DDX11: variants seen among roughly 807,000 people sequenced by gnomAD.
DDX11 encodes DEAD/H-box helicase 11.
A neutral mutation model predicts 125.2 loss-of-function variants in DDX11; 72 were observed. The ratio of observed to expected loss-of-function variants is 0.58; its 90% CI spans 0.48 to 0.70. DDX11 has a LOEUF of 0.70. Among genes scored for constraint, DDX11 ranks in the 30% least tolerant of loss-of-function variants. The pLI is 0.00. For synonymous variants in DDX11, 347 were observed against 452.6 expected (o/e 0.77, Z 2.96); for missense variants, 883 against 1,165.0 (o/e 0.76, Z 3.52).
Position 31,073,893 on chromosome 12 carries a change from C to G in DDX11, c.-203C>G, listed in dbSNP as rs1385051679. ...GGCTGCCTTTCACTGAGGGGACCCG[C>G]CAGTTTCTAACTCAGTGGCGTTTGC... On this transcript the variant is annotated 5_prime_UTR_variant, in exon 1 of 27. Transcript: ENST00000542838. 3.3e-5 allele frequency: 5 copies of G among 152,258 alleles called. No individual in the cohort carries two copies. The highest frequency in any genetic ancestry group is 1.2e-4 in the African/African-American group (5 of 41,468). The allele number at this position is 152,258 out of a possible 1,614,324, so 9.4% of individuals were successfully genotyped here.
intron 12 of DDX11, 100 bp from the exon 13 acceptor site, chr12:31,094,490 G>A (rs1944865503): frequency 6.5e-7 from 1 of 1,528,486 alleles, no homozygotes; most frequent in Non-Finnish European, 8.9e-7. Flanking sequence ...AAATACAGAT[G>A]CTCTTCTTAC....
intron 20 of DDX11, 105 bp from the exon 21 acceptor site, chr12:31,101,728 C>T (rs1309542994): frequency 5.3e-6 from 8 of 1,522,784 alleles, no homozygotes; most frequent in East Asian, 2.3e-5. Flanking sequence ...GTAGTCCTGC[C>T]GAGGGTCTCT....
rs140186422 is a variant in DDX11, at chr12:31,085,033, C to T, written c.545C>T (p.Pro182Leu). Residue 182 changes from proline (P) to leucine (L), a missense_variant, in exon 5 of 27, where the codon CCG (proline) becomes CTG (leucine). Coordinates refer to ENST00000542838, the MANE Select transcript of DDX11 (RefSeq NM_030653.4). Reference protein sequence around the residue: ...RLSREMLETGPEAERLEQLES... With the variant: ...RLSREMLETGLEAERLEQLES... Reference sequence around the variant, plus strand: ...AGCAGGGAGATGCTAGAGACAGGCCCGGAGGCTGAGCGGCTGGAGCAGCTG... The same window carrying T: ...AGCAGGGAGATGCTAGAGACAGGCCTGGAGGCTGAGCGGCTGGAGCAGCTG... 1,075 of 1,610,286 alleles carry T rather than the reference C, an allele frequency of 6.7e-4. 10 individuals are homozygous for T. In the South Asian group the frequency reaches 7.8e-3, roughly 12 times the overall value.
At chr12:31,080,505 T>C (rs1941690912) in intron 2 of DDX11, among the ~76,000 whole-genome samples, 1 of 152,138 alleles carries the variant, frequency 6.6e-6, no homozygotes. Context: ...CCCGTCCCTT[T>C]GTTTTCAGTG....
chr12:31,077,495 T>A (rs1204867134), intron 1 of DDX11, among the ~76,000 whole-genome samples: 1 of 151,768 alleles, frequency 6.6e-6, no homozygotes, highest in African/African-American at 2.4e-5. Context: ...GTGGCTCTGT[T>A]CGGTGCTGGA....
chr12:31,089,709 G>C, intron 8 of DDX11, 177 bp from the exon 9 acceptor site: 1 of 1,307,856 alleles, frequency 7.6e-7, no homozygotes, highest in Non-Finnish European at 1.1e-6. Context: ...GGCTCTTTCT[G>C]GAGAACAGAA....
intron 14 of DDX11, among the ~76,000 whole-genome samples, chr12:31,095,809 C>G (rs1945123437): frequency 2.0e-5 from 3 of 152,136 alleles, no homozygotes; most frequent in Admixed American, 2.0e-4. Context: ...GGTCTCGGGT[C>G]TCATCACTCA....
intron 1 of DDX11, among the ~76,000 whole-genome samples, chr12:31,076,490 C>A (rs1940743801): frequency 6.6e-6 from 1 of 152,062 alleles, no homozygotes; most frequent in Admixed American, 6.5e-5. Context: ...ATATCTCTTG[C>A]AACCGGATGA....
intron 17 of DDX11, among the ~76,000 whole-genome samples, 187 bp downstream of exon 17, chr12:31,097,177 G>A (rs1445316073): frequency 1.2e-4 from 18 of 144,110 alleles, no homozygotes; most frequent in South Asian, 6.8e-4. Flanking sequence ...GAGATCGAAG[G>A]GCTGGGATGG....
In DDX11 at chr12:31,096,017, CCTTT is replaced by C. The variant is rs1298520500; in HGVS notation, c.1483-323_1483-320del. Among the ~76,000 whole-genome samples, 3 of 102,174 alleles carry C rather than the reference CCTTT, an allele frequency of 2.9e-5. No homozygotes were observed. In the Admixed American group the frequency reaches 3.2e-4, roughly 11 times the overall value. The allele number at this position is 102,174 out of a possible 152,430, so 67.0% of individuals were successfully genotyped here. On this transcript the variant is annotated intron_variant, in intron 14 of 26. Transcript: ENST00000542838. ...CTCTGTGGCTTTGCTCATAGAAGTT[CCTTT>C]TTTTTTTTTAACTCTTTGTCACCTG... is the stretch of plus-strand genomic sequence containing the variant.
At chr12:31,083,355 C>T (rs1011036890) in intron 2 of DDX11, among the ~76,000 whole-genome samples, 1 of 151,318 alleles carries the variant, frequency 6.6e-6, no homozygotes, top group Non-Finnish European at 1.5e-5. Context: ...TAAGCACTGG[C>T]GCTCATGACT....
At chr12:31,088,105 C>T in intron 6 of DDX11, 122 bp downstream of exon 6, 4 of 1,456,302 alleles carry the variant, frequency 2.7e-6, no homozygotes, top group East Asian at 2.5e-5. Context: ...GAGGAGCTTC[C>T]AGCACTTGGA....
intron 2 of DDX11, 56 bp downstream of exon 2, chr12:31,078,593 G>T: frequency 6.2e-7 from 1 of 1,610,708 alleles, no homozygotes; most frequent in Non-Finnish European, 8.5e-7. Flanking sequence ...AGCCGTACTA[G>T]CTTTTCCTGT....
rs1182863429 is a variant in DDX11, at chr12:31,096,706, C to T, written c.1591C>T (p.Gln531Ter). The T allele has an allele frequency of 1.9e-5, 31 of 1,614,030 alleles. No individual in the cohort carries two copies. The highest frequency in any genetic ancestry group is 2.5e-5 in the Non-Finnish European group (30 of 1,180,034). ...GGAGCAGCCCAAACTGGCTGGGTTT[C>T]AGCAATTCCTGCAGAGCCTGCAGCC... is the stretch of plus-strand genomic sequence containing the variant. ...SREQPKLAGFQQFLQSLQPRT... is the reference protein window; with the variant it reads ...SREQPKLAGF Residue 531 changes from glutamine (Q) to a stop codon, truncating the protein, a stop_gained, in exon 16 of 27, where the codon CAG becomes TAG. Transcript: ENST00000542838. LOFTEE classifies it high-confidence loss of function.
At chr12:31,074,200 T>G (rs1940358208) in intron 1 of DDX11, 109 bp downstream of exon 1, 1 of 151,570 alleles carries the variant, frequency 6.6e-6, no homozygotes, top group African/African-American at 2.4e-5. Flanking sequence ...AGGAAGGTTG[T>G]GCCTGCGGTG....
rs12578532 is a variant in DDX11 at position 31,103,530 on chromosome 12, G to T, written c.2537-47G>T. 5,727 of 1,613,634 alleles carry T rather than the reference G, an allele frequency of 3.5e-3. 141 individuals are homozygous for T. The African/African-American group carries it at 0.048, about 14-fold the overall frequency. ...GGGTCGCCGTGGGAATGTGCTGTAG[G>T]GGGGAGGCAGGTGTTGCTCGGAGCC... On this transcript the variant is annotated intron_variant, in intron 25 of 26. Coordinates refer to ENST00000542838, the MANE Select transcript of DDX11 (RefSeq NM_030653.4).
chr12:31,074,850 G>T (rs1362509969), intron 1 of DDX11, among the ~76,000 whole-genome samples: 1 of 152,192 alleles, frequency 6.6e-6, no homozygotes, highest in Non-Finnish European at 1.5e-5. Context: ...GGTCAGCCCC[G>T]GCTGCCATGA....
Position 31,101,788 on chromosome 12 carries a change from G to A in DDX11, c.2053-45G>A, listed in dbSNP as rs765129026. 3 of 1,613,210 alleles carry A rather than the reference G, an allele frequency of 1.9e-6. No individual in the cohort carries two copies. The African/African-American group carries it at 4.0e-5, about 22-fold the overall frequency. ...AGACGCGGTTTGTGGGTGGCTGAGG[G>A]GTTGCTCCATGGGGGCTCCCTCCCT... On this transcript the variant is annotated intron_variant, in intron 20 of 26. Transcript: ENST00000542838.
rs1198110872 is a variant in DDX11 at position 31,103,036 on chromosome 12, G to A, written c.2457+16G>A. 1 of 1,612,726 alleles carries A rather than the reference G, an allele frequency of 6.2e-7. No individual in the cohort carries two copies. The highest frequency in any genetic ancestry group is 8.5e-7 in the Non-Finnish European group (1 of 1,178,724). On this transcript the variant is annotated intron_variant, in intron 24 of 26. Transcript: ENST00000542838. ...TCAAACCCTCGTGAGTGACCCCAGT[G>A]TCACAGAGGGTGACAGGAGAGTAGG...
Sources: allele counts gnomAD v4.1 joint callset (sites outside exome capture counted in the v4.1 genomes callset), GRCh38; gene constraint gnomAD v4.1.1; transcripts MANE v1.5; gene names NCBI Gene and HGNC (gene_info 2026-07-23, HGNC 2026-07-21).